Variants in IL1R1 observed in about 807,000 individuals in gnomAD.
IL1R1 encodes the protein interleukin-1 receptor type 1.
Under a neutral mutation model 50.2 loss-of-function variants are expected in IL1R1, and 22 were observed. The ratio of observed to expected loss-of-function variants is 0.44; its 90% CI spans 0.31 to 0.63. The LOEUF (loss-of-function observed/expected upper bound fraction) is 0.63. Ranked by LOEUF, IL1R1 falls within the 20% of genes least tolerant of loss-of-function variation. The pLI is 0.07. For synonymous variants in IL1R1, 251 were observed against 236.7 expected (o/e 1.06, Z -0.55); for missense variants, 509 against 676.2 (o/e 0.75, Z 2.74).
At chr2:102,173,842 G>A (rs1685889690) in intron 9 of IL1R1, among the ~76,000 whole-genome samples, 1 of 151,940 alleles carries the variant, frequency 6.6e-6, no homozygotes, top group South Asian at 2.1e-4. Context: ...TAAATCTGGA[G>A]GATTATTACT....
At chr2:102,105,434 G>A (rs1272955547) in intron 1 of IL1R1, among the ~76,000 whole-genome samples, 2 of 152,084 alleles carry the variant, frequency 1.3e-5, no homozygotes, top group African/African-American at 2.4e-5. Flanking sequence ...GCATGATCTT[G>A]GCTCACTGCA....
rs975627387 is a variant in IL1R1, at chr2:102,178,185, T to C, written c.*1426T>C. On this transcript the variant is annotated 3_prime_UTR_variant, in exon 12 of 12. Transcript: ENST00000410023. ...CAGAACATCCTCCAATTCCACAGTC[T>C]CTGGGAGACTTTCCCTAAGAGGCGA... The C allele has an allele frequency of 1.6e-4, 24 of 152,370 alleles. No homozygotes were observed. Among genetic ancestry groups the C allele is most frequent in the African/African-American group, 5.3e-4 (22 of 41,440 alleles). 9.4% of individuals were successfully genotyped at this position (152,370 alleles called of 1,614,324 possible). A position where few individuals can be genotyped will look rare whatever the true frequency, so the allele number is the denominator to read the frequency against.
At chr2:102,079,749 A>T (rs1679126798) in intron 1 of IL1R1, among the ~76,000 whole-genome samples, 2 of 152,178 alleles carry the variant, frequency 1.3e-5, no homozygotes, top group Admixed American at 1.3e-4. Flanking sequence ...CTGCTCATAA[A>T]ATACACAAGG....
rs147310743 is a variant in IL1R1, at chr2:102,119,220, C to G, written c.-84+14348C>G. ...GGTAACTTCTCTTCGATAATTCAAG[C>G]TACCTAGTGATAATGTAAGTTCTTT... is the stretch of plus-strand genomic sequence containing the variant. On this transcript the variant is annotated intron_variant, in intron 1 of 10. Coordinates refer to the IL1R1 transcript ENST00000409329. 3.0e-4 allele frequency among the ~76,000 whole-genome samples: 45 copies of G among 152,272 alleles called. 1 individual carries two copies. In the East Asian group the frequency reaches 7.3e-3, roughly 25 times the overall value.
In IL1R1 at chr2:102,087,617, C is replaced by T. The variant is rs534188466; in HGVS notation, c.-84+17084C>T. Among the ~76,000 whole-genome samples the T allele has an allele frequency of 3.3e-5, 5 of 152,210 alleles. No homozygotes were observed. In the East Asian group the frequency reaches 9.7e-4, roughly 29 times the overall value. On this transcript the variant is annotated intron_variant, in intron 1 of 11. Transcript: ENST00000409929. ...GTTCTCATGATAGTGAGTGTGAGTT[C>T]TCATGAGGTTTGATGGTTTAAAGGT... is the stretch of plus-strand genomic sequence containing the variant.
Position 102,165,299 on chromosome 2 carries a change from T to C in IL1R1, c.481T>C (p.Tyr161His). Residue 161 changes from tyrosine to histidine, a missense_variant, in exon 5 of 12, where the codon TAT (tyrosine) becomes CAT (histidine). Transcript: ENST00000410023. ...TAATGAGTTACCTAAATTACAGTGG[T>C]ATAAGGTAATTTTATTTTAAATATG... is the stretch of plus-strand genomic sequence containing the variant. Reference protein sequence around the residue: ...ENNELPKLQWYKDCKPLLLDN... With the variant: ...ENNELPKLQWHKDCKPLLLDN... 6.0e-6 allele frequency: 9 copies of C among 1,492,510 alleles called. No individual in the cohort carries two copies. The highest frequency in any genetic ancestry group is 8.2e-6 in the Non-Finnish European group (9 of 1,102,752). The allele number at this position is 1,492,510 out of a possible 1,614,324, so 92.5% of individuals were successfully genotyped here. A position where few individuals can be genotyped will look rare whatever the true frequency, so the allele number is the denominator to read the frequency against.
chr2:102,090,801 T>G (rs980967510), intron 1 of IL1R1, among the ~76,000 whole-genome samples: 3 of 152,208 alleles, frequency 2.0e-5, no homozygotes, highest in Non-Finnish European at 2.9e-5. Context: ...GTGAGCTGCT[T>G]CCATATTCTG....
intron 3 of IL1R1, among the ~76,000 whole-genome samples, chr2:102,159,937 T>G (rs562788755): frequency 1.3e-5 from 2 of 152,346 alleles, no homozygotes; most frequent in South Asian, 4.1e-4. Context: ...TCTGTTTGTT[T>G]CCTTATTTTC....
At chr2:102,112,844 GTGTTAGGAGGTGGCATGCTTGGGAGAT>G (rs1420734997) in intron 1 of IL1R1, among the ~76,000 whole-genome samples, 1 of 152,172 alleles carries the variant, frequency 6.6e-6, no homozygotes. Flanking sequence ...TCCAGTGATG[GTGTTAGGAGGTGGCATGCTTGGGAGAT>G]TGTTAGGTCA....
intron 1 of IL1R1, among the ~76,000 whole-genome samples, chr2:102,113,022 G>A (rs969689852): frequency 8.5e-5 from 13 of 152,080 alleles, no homozygotes; most frequent in South Asian, 2.1e-4. Context: ...ACCAGACACC[G>A]GATCTGTCAG....
intron 1 of IL1R1, among the ~76,000 whole-genome samples, chr2:102,116,971 A>G (rs1681110223): frequency 6.6e-6 from 1 of 152,226 alleles, no homozygotes; most frequent in Non-Finnish European, 1.5e-5. Context: ...CTCTAATGAT[A>G]AGTGGAGAAG....
At chr2:102,113,254 A>G (rs1042091429) in intron 1 of IL1R1, among the ~76,000 whole-genome samples, 1 of 152,276 alleles carries the variant, frequency 6.6e-6, no homozygotes, top group African/African-American at 2.4e-5. Flanking sequence ...AGCCATTGCT[A>G]TAGAATAGGC....
At chr2:102,165,953 A>G (rs1471933490) in intron 5 of IL1R1, among the ~76,000 whole-genome samples, 160 bp from the exon 6 acceptor site, 1 of 152,220 alleles carries the variant, frequency 6.6e-6, no homozygotes, top group Non-Finnish European at 1.5e-5. Context: ...AACTGTTTCC[A>G]AAAAGCCAGT....
intron 6 of IL1R1, among the ~76,000 whole-genome samples, chr2:102,166,720 C>A (rs1201505606): frequency 1.3e-5 from 2 of 152,140 alleles, no homozygotes; most frequent in East Asian, 3.9e-4. Context: ...ACCTCCTGTT[C>A]ATTCTGTGTT....
chr2:102,138,165 T>G (rs1207880346), upstream of IL1R1, among the ~76,000 whole-genome samples: 1 of 152,154 alleles, frequency 6.6e-6, no homozygotes, highest in Non-Finnish European at 1.5e-5. Context: ...GCTTCAAATT[T>G]TATGTGTTAA....
At position 102,178,271 on chromosome 2, in the gene IL1R1, T is replaced by C. The variant is rs1686305190; in HGVS notation, c.*1512T>C. On this transcript the variant is annotated 3_prime_UTR_variant, in exon 12 of 12. Transcript: ENST00000410023. ...CTGCAGAGATGGTGGTGAGCACATC[T>C]GGGAGGCTGGTCTCCCTCCAGCTGG... The C allele has an allele frequency of 6.6e-6, 1 of 152,360 alleles. No homozygotes were observed. The highest frequency in any genetic ancestry group is 2.4e-5 in the African/African-American group (1 of 41,446). 9.4% of individuals were successfully genotyped at this position (152,360 alleles called of 1,614,324 possible).
intron 1 of IL1R1, among the ~76,000 whole-genome samples, chr2:102,107,063 G>C (rs933731906): frequency 6.6e-6 from 1 of 152,112 alleles, no homozygotes; most frequent in Non-Finnish European, 1.5e-5. Flanking sequence ...CTAGATCCCT[G>C]CTGCTAAATT....
At chr2:102,105,744 C>T (rs942793365) in intron 1 of IL1R1, among the ~76,000 whole-genome samples, 5 of 152,166 alleles carry the variant, frequency 3.3e-5, no homozygotes, top group Non-Finnish European at 5.9e-5. Flanking sequence ...AACTTGTACA[C>T]GCTTTCTTCA....
chr2:102,156,668 C>T (rs962955115), intron 2 of IL1R1, among the ~76,000 whole-genome samples: 2 of 152,128 alleles, frequency 1.3e-5, no homozygotes, highest in African/African-American at 4.8e-5. Context: ...TGCACCACCA[C>T]ACCCAGCTAA....
Sources: gnomAD v4.1 joint callset for allele counts (sites outside exome capture counted in the v4.1 genomes callset) on GRCh38, gnomAD v4.1.1 for gene constraint, MANE v1.5 for transcripts, NCBI Gene and HGNC (gene_info 2026-07-23, HGNC 2026-07-21) for gene names.